TMTC2: variants seen among roughly 807,000 people sequenced by gnomAD.
TMTC2 encodes protein O-mannosyl-transferase TMTC2.
Under a neutral mutation model 82.4 loss-of-function variants are expected in TMTC2, and 43 were observed. That is an observed-to-expected ratio of 0.52 (90% CI 0.41 to 0.67). TMTC2 has a LOEUF of 0.67. TMTC2 is among the 30% of genes least tolerant of loss of function. The pLI is 0.00. For missense variants in TMTC2, 919 were observed against 1,012.4 expected (o/e 0.91, Z 1.25); for synonymous variants, 408 against 381.9 (o/e 1.07, Z -0.80).
intron 1 of TMTC2, among the ~76,000 whole-genome samples, chr12:82,825,100 A>G (rs1592552801): frequency 7.9e-6 from 1 of 127,206 alleles, no homozygotes; most frequent in African/African-American, 2.7e-5. Context: ...AAAAAAAAGA[A>G]AAAAAAAAAA....
intron 11 of TMTC2, among the ~76,000 whole-genome samples, chr12:83,119,620 TTGTTGGATGGAATG>T (rs1357539525): frequency 6.6e-6 from 1 of 152,178 alleles, no homozygotes; most frequent in Non-Finnish European, 1.5e-5. Context: ...TATTCTGTGG[TTGTTGGATGGAATG>T]TTCTGTATAT....
intron 10 of TMTC2, among the ~76,000 whole-genome samples, chr12:83,055,396 TCAAA>T (rs918485124): frequency 5.3e-5 from 8 of 151,928 alleles, no homozygotes; most frequent in Non-Finnish European, 8.8e-5. Context: ...TTTTAGTACT[TCAAA>T]CAAAGTGAAA....
intron 2 of TMTC2, among the ~76,000 whole-genome samples, chr12:82,884,178 A>T (rs1218309644): frequency 6.6e-6 from 1 of 152,228 alleles, no homozygotes; most frequent in Non-Finnish European, 1.5e-5. Context: ...TGCCATGGGT[A>T]CGCAAGAAAT....
chr12:82,722,100 C>A (rs1874231856), intron 1 of TMTC2, among the ~76,000 whole-genome samples: 1 of 152,136 alleles, frequency 6.6e-6, no homozygotes, highest in African/African-American at 2.4e-5. Context: ...CCAGCTCTCC[C>A]ATTTCTGCCA....
chr12:82,932,940 C>A (rs972311415), intron 4 of TMTC2, among the ~76,000 whole-genome samples: 1 of 152,112 alleles, frequency 6.6e-6, no homozygotes, highest in African/African-American at 2.4e-5. Context: ...AAAATTACAT[C>A]TTAGGACTGT....
intron 1 of TMTC2, among the ~76,000 whole-genome samples, chr12:82,769,301 CTG>C (rs1038588825): frequency 6.6e-6 from 1 of 151,584 alleles, no homozygotes; most frequent in Non-Finnish European, 1.5e-5. Context: ...AGTGAAACCC[CTG>C]TCTCTACTAA....
At chr12:83,022,557 T>C (rs1880982211) in intron 8 of TMTC2, among the ~76,000 whole-genome samples, 1 of 152,070 alleles carries the variant, frequency 6.6e-6, no homozygotes, top group African/African-American at 2.4e-5. Context: ...AGGAACTTAA[T>C]CCATTTTTAT....
chr12:82,936,942 A>C (rs1263627717), intron 4 of TMTC2, among the ~76,000 whole-genome samples: 1 of 152,176 alleles, frequency 6.6e-6, no homozygotes, highest in Non-Finnish European at 1.5e-5. Flanking sequence ...CCTATTTTTC[A>C]ATAAGTGATA....
intron 1 of TMTC2, among the ~76,000 whole-genome samples, chr12:82,757,409 C>T (rs1001115047): frequency 3.3e-5 from 5 of 152,122 alleles, no homozygotes. Context: ...AAGAGTTTTT[C>T]ATATAATTTA....
chr12:82,919,846 C>T (rs1875272750), intron 3 of TMTC2, among the ~76,000 whole-genome samples: 1 of 152,216 alleles, frequency 6.6e-6, no homozygotes, highest in South Asian at 2.1e-4. Flanking sequence ...AACTGCCACG[C>T]CCATGGCTTT....
In TMTC2 at chr12:82,770,544, C is replaced by T. The variant is rs139775481; in HGVS notation, c.83+82875C>T. The stretch of plus-strand genomic sequence containing the variant: ...AACCACTGACCTTACCCTGAGTCAT[C>T]CCTCAGGTAATTTTATCTTTCATTT... On this transcript the variant is annotated intron_variant, in intron 1 of 11. Coordinates refer to ENST00000321196, the MANE Select transcript of TMTC2 (RefSeq NM_152588.3). Among the ~76,000 whole-genome samples, 63 of 152,126 alleles carry T rather than the reference C, an allele frequency of 4.1e-4. 1 individual carries two copies. In the East Asian group the frequency reaches 9.4e-3, roughly 23 times the overall value.
intron 8 of TMTC2, among the ~76,000 whole-genome samples, chr12:82,990,606 T>C (rs1281199997): frequency 6.6e-6 from 1 of 152,120 alleles, no homozygotes; most frequent in Non-Finnish European, 1.5e-5. Flanking sequence ...AGTATCTTCA[T>C]AGTAGGACAC....
chr12:82,768,734 G>A (rs1399376262), intron 1 of TMTC2, among the ~76,000 whole-genome samples: 3 of 151,806 alleles, frequency 2.0e-5, no homozygotes, highest in African/African-American at 7.3e-5. Flanking sequence ...TTCTACAGTT[G>A]TATACTTATT....
At chr12:82,878,392 G>T (rs753913908) in intron 2 of TMTC2, among the ~76,000 whole-genome samples, 2 of 152,190 alleles carry the variant, frequency 1.3e-5, no homozygotes, top group Non-Finnish European at 2.9e-5. Context: ...TATGAGATTG[G>T]TGAACTTTGA....
intron 2 of TMTC2, among the ~76,000 whole-genome samples, chr12:82,870,215 C>T (rs1413843746): frequency 5.3e-5 from 8 of 151,882 alleles, no homozygotes; most frequent in Non-Finnish European, 1.2e-4. Context: ...TTTTTTGTTC[C>T]CTTCCTCCCA....
intron 11 of TMTC2, among the ~76,000 whole-genome samples, chr12:83,117,827 C>CT (rs1884812763): frequency 6.6e-6 from 1 of 152,106 alleles, no homozygotes; most frequent in Non-Finnish European, 1.5e-5. Context: ...TCTATGATTT[C>CT]TTTCAGCAGT....
At chr12:82,894,671 C>T (rs1873566882) in intron 2 of TMTC2, among the ~76,000 whole-genome samples, 1 of 152,298 alleles carries the variant, frequency 6.6e-6, no homozygotes, top group East Asian at 1.9e-4. Flanking sequence ...TTTTAGATGT[C>T]ACCTAAGTTT....
Position 82,842,620 on chromosome 12 carries a change from G to A in TMTC2, c.84-14390G>A, listed in dbSNP as rs796696246. Among the ~76,000 whole-genome samples, 15 of 152,216 alleles carry A rather than the reference G, an allele frequency of 9.9e-5. 1 individual carries two copies. The highest frequency in any genetic ancestry group is 3.1e-4 in the African/African-American group (13 of 41,522). On this transcript the variant is annotated intron_variant, in intron 1 of 11. Coordinates refer to ENST00000321196, the MANE Select transcript of TMTC2 (RefSeq NM_152588.3). ...GGCTTATTATTTTTCTAGGGCTGCC[G>A]TAACAGACCACCACAGACTGGGTAG...
intron 1 of TMTC2, among the ~76,000 whole-genome samples, chr12:82,711,397 G>A (rs1020561335): frequency 2.0e-4 from 31 of 151,738 alleles, no homozygotes; most frequent in African/African-American, 7.5e-4. Flanking sequence ...ATGATTGTTA[G>A]CCTTGCCTTT....
Sources: gnomAD v4.1 joint callset for allele counts (sites outside exome capture counted in the v4.1 genomes callset) on GRCh38, gnomAD v4.1.1 for gene constraint, MANE v1.5 for transcripts, NCBI Gene and HGNC (gene_info 2026-07-23, HGNC 2026-07-21) for gene names.